Variants in ZSWIM5 observed in about 807,000 individuals in gnomAD.
The protein encoded by ZSWIM5 is zinc finger SWIM-type containing 5.
Under a neutral mutation model 119.6 loss-of-function variants are expected in ZSWIM5, and 55 were observed. The observed-to-expected ratio is 0.46, with a 90% CI of 0.37 to 0.58. The LOEUF (loss-of-function observed/expected upper bound fraction) is 0.58, where lower values mean the gene tolerates loss of function less well. Ranked by LOEUF, ZSWIM5 falls within the 20% of genes least tolerant of loss-of-function variation. The probability of loss-of-function intolerance (pLI) is 0.00; values close to 1 mark genes in which losing one functional copy is unlikely to be tolerated. For synonymous variants in ZSWIM5, 537 were observed against 606.9 expected (o/e 0.88, Z 1.69); for missense variants, 1,193 against 1,512.8 (o/e 0.79, Z 3.51).
intron 2 of ZSWIM5, among the ~76,000 whole-genome samples, chr1:45,062,599 C>T (rs1311938489): frequency 6.6e-6 from 1 of 152,110 alleles, no homozygotes; most frequent in African/African-American, 2.4e-5. Flanking sequence ...CTCCTGCGCT[C>T]AAGTGATCCT....
chr1:45,148,921 TA>T (rs1645778575), intron 1 of ZSWIM5, among the ~76,000 whole-genome samples: 1 of 152,224 alleles, frequency 6.6e-6, no homozygotes, highest in African/African-American at 2.4e-5. Context: ...CAACACACCA[TA>T]AGATCACAGC....
chr1:45,115,173 G>A (rs548694922), intron 1 of ZSWIM5, among the ~76,000 whole-genome samples: 114 of 152,364 alleles, frequency 7.5e-4, no homozygotes, highest in African/African-American at 2.6e-3. Context: ...CCTCCCAGAC[G>A]GGGTGGCCGC....
At chr1:45,167,741 C>T (rs1229958478) in intron 1 of ZSWIM5, among the ~76,000 whole-genome samples, 7 of 151,652 alleles carry the variant, frequency 4.6e-5, no homozygotes, top group Non-Finnish European at 7.4e-5. Flanking sequence ...TCATCACTGG[C>T]CATCAGAGAA....
intron 5 of ZSWIM5, among the ~76,000 whole-genome samples, chr1:45,044,472 C>A (rs1570016381): frequency 6.6e-6 from 1 of 150,720 alleles, no homozygotes; most frequent in Admixed American, 6.6e-5. Context: ...GCCTGTAATC[C>A]CAGAGCTTTG....
chr1:45,030,535 C>T (rs957403468), intron 11 of ZSWIM5, among the ~76,000 whole-genome samples: 10 of 152,258 alleles, frequency 6.6e-5, no homozygotes, highest in Admixed American at 2.0e-4. Context: ...GCGTGAGCCA[C>T]TGAGCCTGGC....
chr1:45,119,081 A>T (rs1016860001), intron 1 of ZSWIM5, among the ~76,000 whole-genome samples: 3 of 152,214 alleles, frequency 2.0e-5, no homozygotes, highest in Non-Finnish European at 4.4e-5. Context: ...TTTAACTGAA[A>T]CTGGAAGAAA....
intron 1 of ZSWIM5, among the ~76,000 whole-genome samples, chr1:45,118,481 C>A (rs547406160): frequency 1.3e-5 from 2 of 152,132 alleles, no homozygotes; most frequent in South Asian, 4.2e-4. Context: ...GTGGCCCAGG[C>A]CTATAATCCC....
chr1:45,109,241 T>C (rs1471391336), intron 1 of ZSWIM5, among the ~76,000 whole-genome samples: 3 of 152,208 alleles, frequency 2.0e-5, no homozygotes, highest in Non-Finnish European at 4.4e-5. Context: ...TCATTAAGTC[T>C]TTATTCAGGG....
rs562256797 is a variant in ZSWIM5, at chr1:45,164,523, G to A, written c.595+41233C>T. 9.9e-3 allele frequency among the ~76,000 whole-genome samples: 1,509 copies of A among 152,130 alleles called. 33 individuals carry two copies. The highest frequency in any genetic ancestry group is 0.035 in the African/African-American group (1,447 of 41,504). ...ATGCTCCAATTAAAAGACACAGACT[G>A]GCAAATTGGATAAAGAGTCAAGACC... On this transcript the variant is annotated intron_variant, in intron 1 of 13. Transcript: ENST00000359600.
intron 1 of ZSWIM5, among the ~76,000 whole-genome samples, chr1:45,167,423 C>T (rs1020716732): frequency 1.3e-5 from 2 of 151,888 alleles, no homozygotes; most frequent in East Asian, 1.9e-4. Context: ...GCAAGGACTT[C>T]ATGTCTAAAA....
At chr1:45,165,643 C>T (rs1248075957) in intron 1 of ZSWIM5, among the ~76,000 whole-genome samples, 4 of 151,990 alleles carry the variant, frequency 2.6e-5, no homozygotes, top group African/African-American at 7.2e-5. Context: ...TTATCACCAC[C>T]GATCCCACAG....
At chr1:45,160,391 T>A (rs1242247813) in intron 1 of ZSWIM5, among the ~76,000 whole-genome samples, 1 of 152,134 alleles carries the variant, frequency 6.6e-6, no homozygotes, top group African/African-American at 2.4e-5. Context: ...AATATTAAGG[T>A]TTATTTCTTC....
At position 45,156,808 on chromosome 1, in the gene ZSWIM5, GGAGT is replaced by G. The variant is rs1645829602; in HGVS notation, c.595+48944_595+48947del. ...AAACAAATGGCATCTAGATTGGAAA[GGAGT>G]AAGTAAAACTATTCTCTCTATTCAC... On this transcript the variant is annotated intron_variant, in intron 1 of 13. Coordinates refer to ENST00000359600, the MANE Select transcript of ZSWIM5 (RefSeq NM_020883.2). 2.6e-5 allele frequency among the ~76,000 whole-genome samples: 4 copies of G among 151,026 alleles called. No individual in the cohort carries two copies. In the South Asian group the frequency reaches 8.4e-4, roughly 32 times the overall value.
In ZSWIM5 at chr1:45,094,800, C is replaced by T. The variant is rs544012154; in HGVS notation, c.596-6563G>A. ...GTTGAGGTGGGAAGATCACTGGAGCCTGGGAGATCGAGGTTACAGTGAGCC... is the reference window on the plus strand; with the variant it reads ...GTTGAGGTGGGAAGATCACTGGAGCTTGGGAGATCGAGGTTACAGTGAGCC... On this transcript the variant is annotated intron_variant, in intron 1 of 13. Transcript: ENST00000359600. Among the ~76,000 whole-genome samples, 7 of 151,154 alleles carry T rather than the reference C, an allele frequency of 4.6e-5. No homozygotes were observed. In the East Asian group the frequency reaches 1.4e-3, roughly 29 times the overall value.
chr1:45,024,192 C>CTTTTTTT (rs59909524), intron 11 of ZSWIM5, among the ~76,000 whole-genome samples: 19 of 129,500 alleles, frequency 1.5e-4, no homozygotes, highest in Non-Finnish European at 2.5e-4. Flanking sequence ...CTTTTCTTTT[C>CTTTTTTT]TTTTTTTTTT....
intron 10 of ZSWIM5, 50 bp from the exon 11 acceptor site, chr1:45,034,519 C>T (rs373891749): frequency 5.4e-5 from 84 of 1,543,894 alleles, no homozygotes; most frequent in Non-Finnish European, 6.9e-5. Flanking sequence ...CCTGGGCTTC[C>T]GAGCCACCTT....
intron 1 of ZSWIM5, among the ~76,000 whole-genome samples, chr1:45,158,122 G>A (rs987971056): frequency 6.6e-6 from 1 of 151,956 alleles, no homozygotes; most frequent in Non-Finnish European, 1.5e-5. Context: ...TTTATTGACT[G>A]AACTACATAT....
At chr1:45,042,140 A>G (rs1423153462) in intron 6 of ZSWIM5, among the ~76,000 whole-genome samples, 1 of 152,170 alleles carries the variant, frequency 6.6e-6, no homozygotes, top group Non-Finnish European at 1.5e-5. Context: ...AAATTCCTAC[A>G]TGTAGAATTC....
chr1:45,108,914 T>G (rs1417267911), intron 1 of ZSWIM5, among the ~76,000 whole-genome samples: 1 of 152,234 alleles, frequency 6.6e-6, no homozygotes, highest in Non-Finnish European at 1.5e-5. Flanking sequence ...CTCCATGATA[T>G]TTTATTTCCA....
Sources: allele counts gnomAD v4.1 joint callset (sites outside exome capture counted in the v4.1 genomes callset), GRCh38; gene constraint gnomAD v4.1.1; transcripts MANE v1.5; gene names NCBI Gene and HGNC (gene_info 2026-07-23, HGNC 2026-07-21).